Variants in ZCCHC2 observed in about 807,000 individuals in gnomAD.
The protein encoded by ZCCHC2 is zinc finger CCHC domain-containing protein 2.
Under a neutral mutation model 103.6 loss-of-function variants are expected in ZCCHC2, and 39 were observed. That is an observed-to-expected ratio of 0.38 (90% confidence interval 0.29 to 0.49). ZCCHC2 has a LOEUF of 0.49. Ranked by LOEUF, ZCCHC2 falls within the 20% of genes least tolerant of loss-of-function variation. ZCCHC2 has a pLI of 0.96. For synonymous variants in ZCCHC2, 687 were observed against 608.9 expected (o/e 1.13, Z -1.89); for missense variants, 1,483 against 1,491.0 (o/e 0.99, Z 0.09).
chr18:62,562,478 T>C (rs1427032187), intron 8 of ZCCHC2, among the ~76,000 whole-genome samples: 5 of 152,206 alleles, frequency 3.3e-5, no homozygotes, highest in Admixed American at 2.0e-4. Flanking sequence ...ATTTTATAAG[T>C]TCTATAATTT....
chr18:62,527,807 TA>T (rs1281614660), intron 1 of ZCCHC2, among the ~76,000 whole-genome samples: 1 of 152,226 alleles, frequency 6.6e-6, no homozygotes, highest in Non-Finnish European at 1.5e-5. Context: ...GTCTTCCTAT[TA>T]TTAGGAAGCC....
At chr18:62,536,660 G>A (rs1289186353) in intron 1 of ZCCHC2, among the ~76,000 whole-genome samples, 2 of 152,178 alleles carry the variant, frequency 1.3e-5, no homozygotes, top group Admixed American at 6.5e-5. Context: ...CTCATGCAGC[G>A]TTACATGAGT....
In ZCCHC2 at chr18:62,577,697, A is replaced by G. The variant is rs971405860; in HGVS notation, c.*1118A>G. 6.6e-6 allele frequency: 1 copy of G among 152,552 alleles called. No homozygotes were observed. The highest frequency in any genetic ancestry group is 3.2e-3 in the Middle Eastern group (1 of 316). 9.4% of individuals were successfully genotyped at this position (152,552 alleles called of 1,614,324 possible). ...TGAAAGGCGGAATTCTGAGTGTGTT[A>G]AGATGGTATTAATCATGTCGGTGTC... On this transcript the variant is annotated 3_prime_UTR_variant, in exon 14 of 14. Coordinates refer to ENST00000269499, the MANE Select transcript of ZCCHC2 (RefSeq NM_017742.6).
chr18:62,555,948 A>G (rs1598950727), intron 5 of ZCCHC2, among the ~76,000 whole-genome samples: 2 of 152,202 alleles, frequency 1.3e-5, no homozygotes, highest in Non-Finnish European at 2.9e-5. Flanking sequence ...TTGGGCCAGT[A>G]TTGAAAACTT....
In ZCCHC2 at chr18:62,523,376, G is replaced by GCGGGCCC; in HGVS notation, c.-48_-47insGGGCCCC. 2.0e-6 allele frequency: 2 copies of GCGGGCCC among 1,012,356 alleles called. No individual in the cohort carries two copies. Among genetic ancestry groups the GCGGGCCC allele is most frequent in the Non-Finnish European group, 2.4e-6 (2 of 848,992 alleles). The allele number at this position is 1,012,356 out of a possible 1,614,324, so 62.7% of individuals were successfully genotyped here. A position where few individuals can be genotyped will look rare whatever the true frequency, so the allele number is the denominator to read the frequency against. On this transcript the variant is annotated 5_prime_UTR_variant, in exon 1 of 14. Transcript: ENST00000269499. ...GCCTCGGCCCGTGCTCCACCTCGCG[G>GCGGGCCC]CCCCTCCCGCCCGCCCCCGCTCGCA...
intron 11 of ZCCHC2, among the ~76,000 whole-genome samples, chr18:62,566,120 C>T (rs1451845057): frequency 1.2e-4 from 18 of 152,148 alleles, no homozygotes; most frequent in Admixed American, 1.2e-3. Flanking sequence ...TGGCACATGC[C>T]TGTAATCTCA....
chr18:62,563,728 A>T (rs1916224652), intron 9 of ZCCHC2, among the ~76,000 whole-genome samples: 1 of 152,212 alleles, frequency 6.6e-6, no homozygotes, highest in South Asian at 2.1e-4. Context: ...GGTGTACATC[A>T]GATTGTTATG....
intron 4 of ZCCHC2, among the ~76,000 whole-genome samples, chr18:62,546,451 A>G (rs966713689): frequency 4.1e-4 from 62 of 152,332 alleles, no homozygotes; most frequent in African/African-American, 1.4e-3. Flanking sequence ...AATTTAGACA[A>G]GTGATCACGA....
chr18:62,585,044 AACACACGCCACATCCTATCCC>A (rs1917137019), exon 15 of ZCCHC2: 1 of 152,274 alleles, frequency 6.6e-6, no homozygotes, highest in Non-Finnish European at 1.5e-5. Context: ...GCACGCCTGG[AACACACGCCACATCCTATCCC>A]ATAGCGAGGC....
intron 1 of ZCCHC2, among the ~76,000 whole-genome samples, chr18:62,530,146 A>T (rs1914618591): frequency 6.6e-6 from 1 of 152,214 alleles, no homozygotes; most frequent in African/African-American, 2.4e-5. Flanking sequence ...TACTATACAT[A>T]CATGTTGCCT....
At chr18:62,550,884 A>C (rs1915634952) in intron 5 of ZCCHC2, among the ~76,000 whole-genome samples, 2 of 152,080 alleles carry the variant, frequency 1.3e-5, no homozygotes, top group Admixed American at 6.5e-5. Context: ...ACTCTCTTGG[A>C]GCCATGGTGC....
At chr18:62,545,074 G>T (rs1207557280) in intron 4 of ZCCHC2, among the ~76,000 whole-genome samples, 1 of 152,104 alleles carries the variant, frequency 6.6e-6, no homozygotes, top group Admixed American at 6.5e-5. Flanking sequence ...AGGAAATGAC[G>T]AAGGGATTTC....
In ZCCHC2 at chr18:62,531,102, C is replaced by G. The variant is rs141200715; in HGVS notation, c.939+6739C>G. Among the ~76,000 whole-genome samples, 1,142 of 151,922 alleles carry G rather than the reference C, an allele frequency of 7.5e-3. 9 individuals carry two copies. Among genetic ancestry groups the G allele is most frequent in the African/African-American group, 0.026 (1,090 of 41,426 alleles). ...GAAGCAAAAAGGCCTGTACTACTGT[C>G]AAGGCAGACTGAACTTATTTTATTG... On this transcript the variant is annotated intron_variant, in intron 1 of 13. Transcript: ENST00000269499.
At position 62,575,446 on chromosome 18, in the gene ZCCHC2, G is replaced by A. The variant is rs1266337061; in HGVS notation, c.3365G>A (p.Gly1122Asp). Reference protein sequence around the residue: ...PAPNVVANTSGSGPKKNGNVS... With the variant: ...PAPNVVANTSDSGPKKNGNVS... ...CCTAACGTAGTTGCCAACACCAGTG[G>A]TTCGGGGCCCAAGAAGAATGGGAAT... The change falls in exon 13 of 14, where the codon GGT (glycine) becomes GAT (aspartate). Residue 1122 changes from glycine (G) to aspartate (D), a missense_variant. By Grantham distance (94) the Gly-to-Asp change is moderately conservative. Coordinates refer to ENST00000269499, the MANE Select transcript of ZCCHC2 (RefSeq NM_017742.6). The A allele has an allele frequency of 3.1e-6, 5 of 1,613,900 alleles. No individual in the cohort carries two copies. In the South Asian group the frequency reaches 5.5e-5, roughly 18 times the overall value.
chr18:62,539,691 C>T lies in ZCCHC2; in HGVS notation c.950C>T (p.Ala317Val), dbSNP rs182227591. 1.4e-5 allele frequency: 22 copies of T among 1,590,754 alleles called. 1 individual carries two copies. The African/African-American group carries it at 1.9e-4, about 14-fold the overall frequency. The change falls in exon 2 of 14, where the codon GCT (alanine) becomes GTT (valine). Residue 317 changes from alanine (A) to valine (V), a missense_variant. Physicochemically the swap from Ala to Val is moderately conservative, Grantham distance 64. Coordinates refer to ENST00000269499, the MANE Select transcript of ZCCHC2 (RefSeq NM_017742.6). ...FAGPRAQNNS[A>V]HGDYMQNNES... ...CTCTTTCTCATCTAGAACAACTCTG[C>T]TCATGGTGATTACATGCAAAATAAC... is the stretch of plus-strand genomic sequence containing the variant.
exon 15 of ZCCHC2, chr18:62,586,085 C>G (rs1917163766): frequency 6.9e-6 from 1 of 144,318 alleles, no homozygotes; most frequent in Non-Finnish European, 1.5e-5. Flanking sequence ...GGCCACCAGC[C>G]CTTTCTGGAA....
At chr18:62,527,235 TC>T (rs1296057669) in intron 1 of ZCCHC2, among the ~76,000 whole-genome samples, 3 of 152,068 alleles carry the variant, frequency 2.0e-5, no homozygotes, top group Non-Finnish European at 4.4e-5. Flanking sequence ...TCACAGGACT[TC>T]CTTGTATCCA....
rs759424177 is a variant in ZCCHC2 at position 62,574,488 on chromosome 18, A to G, written c.2407A>G (p.Ser803Gly). 3.1e-6 allele frequency: 5 copies of G among 1,613,962 alleles called. No individual in the cohort carries two copies. The highest frequency in any genetic ancestry group is 1.7e-5 in the Admixed American group (1 of 60,022). ...LPIPSTFLPH[S>G]STPALHLTVQ... Reference sequence around the variant, plus strand: ...TATTCCATCAACCTTCCTTCCACACAGTAGTACTCCCGCTTTGCATCTTAC... The same window carrying G: ...TATTCCATCAACCTTCCTTCCACACGGTAGTACTCCCGCTTTGCATCTTAC... Residue 803 changes from serine to glycine, a missense_variant, in exon 13 of 14, where the codon AGT becomes GGT. Ser to Gly is a moderately conservative substitution (Grantham distance 56, BLOSUM62 0). Transcript: ENST00000269499.
exon 15 of ZCCHC2, chr18:62,585,782 C>T (rs546417046): frequency 6.6e-6 from 1 of 152,394 alleles, no homozygotes; most frequent in South Asian, 2.1e-4. Context: ...GCAGGGGACA[C>T]TTGAATGCCC....
Sources: allele counts gnomAD v4.1 joint callset (sites outside exome capture counted in the v4.1 genomes callset), GRCh38; gene constraint gnomAD v4.1.1; transcripts MANE v1.5; gene names NCBI Gene and HGNC (gene_info 2026-07-23, HGNC 2026-07-21).